QTMAN: variants seen among roughly 807,000 people sequenced by gnomAD.
The protein encoded by QTMAN is queuosine-tRNA mannosyltransferase, also known as tRNA-queuosine alpha-mannosyltransferase.
At chr2:144,008,979 G>T in the QTMAN span, among the ~76,000 whole-genome samples, 1 of 151,932 alleles carries the variant, frequency 6.6e-6, no homozygotes, top group Non-Finnish European at 1.5e-5. Context: ...GGGAGGGGAA[G>T]GCAAGGTTGG....
the QTMAN span, among the ~76,000 whole-genome samples, chr2:144,060,177 A>G: frequency 6.6e-6 from 1 of 152,136 alleles, no homozygotes; most frequent in Non-Finnish European, 1.5e-5. Context: ...TACAATGAAT[A>G]TATGTACCAT....
the QTMAN span, among the ~76,000 whole-genome samples, chr2:144,296,631 C>T: frequency 1.3e-5 from 2 of 152,182 alleles, no homozygotes; most frequent in African/African-American, 4.8e-5. Flanking sequence ...AGGACTACTT[C>T]ATTTTTATTT....
At chr2:144,260,100 G>A in the QTMAN span, among the ~76,000 whole-genome samples, 7 of 152,022 alleles carry the variant, frequency 4.6e-5, no homozygotes, top group Admixed American at 3.9e-4. Context: ...AAAATGAAAT[G>A]ATCCTAGTCT....
At chr2:144,050,587 A>G in the QTMAN span, among the ~76,000 whole-genome samples, 1 of 152,206 alleles carries the variant, frequency 6.6e-6, no homozygotes, top group Non-Finnish European at 1.5e-5. Flanking sequence ...ACAATTTGAA[A>G]TCAGACACAA....
the QTMAN span, among the ~76,000 whole-genome samples, chr2:143,971,605 A>G: frequency 6.6e-6 from 1 of 152,122 alleles, no homozygotes; most frequent in Non-Finnish European, 1.5e-5. Context: ...TAAGGTGTGA[A>G]TATTTCAGTA....
chr2:144,145,093 CTCTG>C, the QTMAN span, among the ~76,000 whole-genome samples: 2 of 144,016 alleles, frequency 1.4e-5, no homozygotes, highest in East Asian at 2.1e-4. Flanking sequence ...CCATAGTCTT[CTCTG>C]TCTTACAATT....
At chr2:144,093,737 A>G in the QTMAN span, among the ~76,000 whole-genome samples, 1 of 152,202 alleles carries the variant, frequency 6.6e-6, no homozygotes, top group South Asian at 2.1e-4. Context: ...GTTATCATGG[A>G]TGAAGAAAGT....
At chr2:144,027,760 C>A in the QTMAN span, among the ~76,000 whole-genome samples, 2 of 152,154 alleles carry the variant, frequency 1.3e-5, no homozygotes, top group Non-Finnish European at 2.9e-5. Context: ...TGGAGGTAAT[C>A]CAGTTACTCC....
the QTMAN span, among the ~76,000 whole-genome samples, chr2:144,055,367 A>C: frequency 2.1e-5 from 3 of 143,950 alleles, no homozygotes; most frequent in East Asian, 2.0e-4. Context: ...ACACACACAC[A>C]CCCCTCTGAG....
the QTMAN span, among the ~76,000 whole-genome samples, chr2:144,031,808 AGT>A: frequency 6.6e-6 from 1 of 151,776 alleles, no homozygotes; most frequent in South Asian, 2.1e-4. Context: ...CCCAGGCTGG[AGT>A]CAGAGGTGCG....
chr2:144,098,310 A>T, the QTMAN span, among the ~76,000 whole-genome samples: 2 of 152,236 alleles, frequency 1.3e-5, no homozygotes, highest in Admixed American at 1.3e-4. Context: ...TCATTTGTTA[A>T]TGTGCTAACA....
chr2:144,206,264 G>C, the QTMAN span, among the ~76,000 whole-genome samples: 5 of 152,108 alleles, frequency 3.3e-5, no homozygotes, highest in Admixed American at 6.5e-5. Flanking sequence ...TGAGTTTAAT[G>C]ATTTCATGCA....
the QTMAN span, among the ~76,000 whole-genome samples, chr2:144,190,667 A>G: frequency 1.3e-5 from 2 of 152,322 alleles, no homozygotes; most frequent in East Asian, 3.9e-4. Flanking sequence ...AATTCGGTAA[A>G]ATCGATATCA....
At chr2:144,119,694 A>C in the QTMAN span, among the ~76,000 whole-genome samples, 3 of 152,232 alleles carry the variant, frequency 2.0e-5, no homozygotes, top group Non-Finnish European at 4.4e-5. Flanking sequence ...AATAAGACAG[A>C]GTACCTGCTT....
At chr2:144,192,561 T>C in the QTMAN span, among the ~76,000 whole-genome samples, 2 of 152,150 alleles carry the variant, frequency 1.3e-5, no homozygotes, top group African/African-American at 4.8e-5. Context: ...CAGTCTCAAG[T>C]AGCAAAAGTA....
chr2:144,228,932 T>C, the QTMAN span, among the ~76,000 whole-genome samples: 1 of 152,060 alleles, frequency 6.6e-6, no homozygotes, highest in Non-Finnish European at 1.5e-5. Context: ...CACTCCAGCT[T>C]TGGTGACAAA....
the QTMAN span, among the ~76,000 whole-genome samples, chr2:144,277,916 C>A: frequency 6.6e-6 from 1 of 152,120 alleles, no homozygotes; most frequent in South Asian, 2.1e-4. Flanking sequence ...TTTTGCTAGA[C>A]CTCCTTGCAA....
chr2:144,162,079 A>G, the QTMAN span, among the ~76,000 whole-genome samples: 1 of 152,190 alleles, frequency 6.6e-6, no homozygotes, highest in African/African-American at 2.4e-5. Flanking sequence ...AAAGGATCTG[A>G]ATAGACCTAA....
the QTMAN span, among the ~76,000 whole-genome samples, chr2:144,017,211 G>T: frequency 6.6e-6 from 1 of 152,004 alleles, no homozygotes; most frequent in African/African-American, 2.4e-5. Context: ...CACCATGTTG[G>T]CCAGGATGGT....
Sources: allele counts gnomAD v4.1 joint callset (sites outside exome capture counted in the v4.1 genomes callset), GRCh38; gene constraint gnomAD v4.1.1; transcripts MANE v1.5; gene names NCBI Gene and HGNC (gene_info 2026-07-23, HGNC 2026-07-21).